The following PDE4D variants were observed in gnomAD, a reference collection of about 807,000 sequenced individuals.
PDE4D encodes the protein 3',5'-cyclic-AMP phosphodiesterase 4D.
PDE4D carries 24 observed loss-of-function variants against 87.4 expected under a neutral mutation model. That is an observed-to-expected ratio of 0.27 (90% confidence interval 0.20 to 0.39). PDE4D has a LOEUF of 0.39. Among genes scored for constraint, PDE4D ranks in the 10% least tolerant of loss-of-function variants. The probability of loss-of-function intolerance (pLI) is 1.00; values close to 1 mark genes in which losing one functional copy is unlikely to be tolerated. For missense variants in PDE4D, 714 were observed against 1,041.0 expected (o/e 0.69, Z 4.32); for synonymous variants, 384 against 383.2 (o/e 1.00, Z -0.02).
At chr5:59,177,566 A>G (rs956146054) in intron 5 of PDE4D, among the ~76,000 whole-genome samples, 7 of 152,308 alleles carry the variant, frequency 4.6e-5, no homozygotes, top group African/African-American at 1.7e-4. Flanking sequence ...CTGAGCAGAG[A>G]AAGGGTATGC....
intron 5 of PDE4D, among the ~76,000 whole-genome samples, chr5:59,062,619 T>A (rs748512271): frequency 6.6e-6 from 1 of 151,820 alleles, no homozygotes; most frequent in Non-Finnish European, 1.5e-5. Context: ...AAAGACAATG[T>A]GTGTGTATGT....
At chr5:60,404,661 T>C (rs946085342) in intron 1 of PDE4D, among the ~76,000 whole-genome samples, 1 of 152,206 alleles carries the variant, frequency 6.6e-6, no homozygotes, top group South Asian at 2.1e-4. Flanking sequence ...TACCCTGTGG[T>C]CAGCATAGTA....
chr5:60,434,424 C>T (rs934083406), intron 1 of PDE4D, among the ~76,000 whole-genome samples: 2 of 150,946 alleles, frequency 1.3e-5, no homozygotes, highest in Admixed American at 6.6e-5. Flanking sequence ...GGGGAAGACA[C>T]CAGAACATGT....
At chr5:60,459,622 T>C (rs766159466) in intron 1 of PDE4D, among the ~76,000 whole-genome samples, 2 of 152,066 alleles carry the variant, frequency 1.3e-5, no homozygotes, top group Non-Finnish European at 1.5e-5. Context: ...GTTGATTCCA[T>C]ACAGTTTTTG....
chr5:59,511,486 C>T (rs1297654246), intron 1 of PDE4D, among the ~76,000 whole-genome samples: 1 of 151,886 alleles, frequency 6.6e-6, no homozygotes. Flanking sequence ...AAGTCTTTTT[C>T]TATATATAAT....
intron 1 of PDE4D, among the ~76,000 whole-genome samples, chr5:60,416,134 G>C (rs1742522370): frequency 6.6e-6 from 1 of 151,946 alleles, no homozygotes; most frequent in South Asian, 2.1e-4. Context: ...ATCTAGTGTG[G>C]ACATGGAGAA....
At chr5:59,944,997 A>C (rs1757585122) in intron 3 of PDE4D, among the ~76,000 whole-genome samples, 2 of 152,220 alleles carry the variant, frequency 1.3e-5, no homozygotes, top group South Asian at 4.1e-4. Context: ...GTTATTTTTA[A>C]TTTAAGATAT....
chr5:60,352,444 T>C (rs1759285106), intron 1 of PDE4D, among the ~76,000 whole-genome samples: 1 of 152,222 alleles, frequency 6.6e-6, no homozygotes, highest in South Asian at 2.1e-4. Flanking sequence ...GGTAGTATGA[T>C]GAGGTAAGAC....
chr5:59,381,432 T>C (rs1052420665), intron 1 of PDE4D, among the ~76,000 whole-genome samples: 3 of 152,076 alleles, frequency 2.0e-5, no homozygotes, highest in African/African-American at 4.8e-5. Context: ...TCCTCATTCC[T>C]CTTTATTTTT....
chr5:59,476,150 G>T (rs1198199469), intron 1 of PDE4D, among the ~76,000 whole-genome samples: 2 of 151,912 alleles, frequency 1.3e-5, no homozygotes. Context: ...ACTGAGTTCT[G>T]TTTCTGGATA....
At chr5:59,403,911 T>C (rs1296849658) in intron 1 of PDE4D, among the ~76,000 whole-genome samples, 1 of 152,236 alleles carries the variant, frequency 6.6e-6, no homozygotes, top group African/African-American at 2.4e-5. Context: ...CTAATTTACA[T>C]TCCCACCAAA....
intron 2 of PDE4D, among the ~76,000 whole-genome samples, chr5:60,109,123 C>T (rs1777383798): frequency 6.6e-6 from 1 of 151,384 alleles, no homozygotes; most frequent in Non-Finnish European, 1.5e-5. Context: ...TGAGAAAGGG[C>T]TAATATCCAG....
chr5:59,160,806 AGTT>A (rs1273840029), intron 5 of PDE4D, among the ~76,000 whole-genome samples: 1 of 149,626 alleles, frequency 6.7e-6, no homozygotes, highest in East Asian at 2.1e-4. Context: ...CTTTAAAAAT[AGTT>A]GTTTTTGGCC....
intron 3 of PDE4D, among the ~76,000 whole-genome samples, chr5:59,186,248 C>T (rs1742886777): frequency 6.6e-6 from 1 of 152,156 alleles, no homozygotes; most frequent in Admixed American, 6.5e-5. Context: ...AATGTGTGAA[C>T]TTGGACTAGA....
intron 2 of PDE4D, among the ~76,000 whole-genome samples, chr5:60,044,198 G>A (rs928705091): frequency 5.3e-5 from 8 of 151,778 alleles, no homozygotes; most frequent in African/African-American, 1.5e-4. Context: ...CTGAGGTGAT[G>A]GACACCCCAA....
At chr5:60,177,649 A>G (rs1449354037) in intron 2 of PDE4D, among the ~76,000 whole-genome samples, 1 of 152,192 alleles carries the variant, frequency 6.6e-6, no homozygotes, top group Non-Finnish European at 1.5e-5. Context: ...CTTTGACTGC[A>G]AAGTTCATAA....
chr5:59,519,344 C>T (rs992368118), intron 1 of PDE4D, among the ~76,000 whole-genome samples: 10 of 152,088 alleles, frequency 6.6e-5, no homozygotes, highest in Admixed American at 2.6e-4. Context: ...CAGCAGGGAA[C>T]GTCAAGGTGG....
At chr5:59,302,301 T>C (rs1366293189) in intron 1 of PDE4D, among the ~76,000 whole-genome samples, 3 of 152,172 alleles carry the variant, frequency 2.0e-5, no homozygotes, top group Non-Finnish European at 4.4e-5. Context: ...CTCAATCTTT[T>C]AAATTTTCCA....
chr5:59,089,443 T>C (rs972135065), intron 5 of PDE4D, among the ~76,000 whole-genome samples: 1 of 152,156 alleles, frequency 6.6e-6, no homozygotes, highest in African/African-American at 2.4e-5. Flanking sequence ...GGAAAGATAA[T>C]AGGGCTAACA....
Sources: gnomAD v4.1 joint callset for allele counts (sites outside exome capture counted in the v4.1 genomes callset) on GRCh38, gnomAD v4.1.1 for gene constraint, MANE v1.5 for transcripts, NCBI Gene and HGNC (gene_info 2026-07-23, HGNC 2026-07-21) for gene names.